The following MEGF8 variants were observed in gnomAD, a reference collection of about 807,000 sequenced individuals.
MEGF8 encodes multiple epidermal growth factor-like domains protein 8.
MEGF8 carries 156 observed loss-of-function variants against 302.9 expected under a neutral mutation model. That is an observed-to-expected ratio of 0.52 (90% CI 0.45 to 0.59). The LOEUF is 0.59. Ranked by LOEUF, MEGF8 falls within the 20% of genes least tolerant of loss-of-function variation. MEGF8 has a pLI of 0.00. For synonymous variants in MEGF8, 1,621 were observed against 1,660.5 expected (o/e 0.98, Z 0.58); for missense variants, 3,345 against 3,964.5 (o/e 0.84, Z 4.20).
chr19:42,338,255 T>G (rs2039160098), intron 8 of MEGF8, among the ~76,000 whole-genome samples: 1 of 152,116 alleles, frequency 6.6e-6, no homozygotes. Context: ...TGTTTTTTTT[T>G]TGGGGATGGA....
chr19:42,337,835 G>A (rs1430048721), intron 8 of MEGF8, among the ~76,000 whole-genome samples: 2 of 148,400 alleles, frequency 1.3e-5, no homozygotes, highest in African/African-American at 2.5e-5. Context: ...AGGGAGTCTC[G>A]CTCCGTCGCC....
At chr19:42,327,061 T>C (rs1004475454) in intron 1 of MEGF8, among the ~76,000 whole-genome samples, 7 of 152,230 alleles carry the variant, frequency 4.6e-5, no homozygotes, top group Non-Finnish European at 1.0e-4. Flanking sequence ...GAGGTTCTGT[T>C]TCCTTCCCCC....
At chr19:42,341,302 G>A (rs2039209297) in intron 8 of MEGF8, among the ~76,000 whole-genome samples, 1 of 151,936 alleles carries the variant, frequency 6.6e-6, no homozygotes, top group Non-Finnish European at 1.5e-5. Context: ...GGTGGTAGAT[G>A]CCTGTGGTCA....
Position 42,375,874 on chromosome 19 carries a change from C to T in MEGF8, c.7637C>T (p.Ala2546Val). Residue 2546 changes from alanine to valine, a missense_variant, in exon 42 of 42, where the codon GCT becomes GTT. Ala to Val is a moderately conservative substitution (Grantham distance 64, BLOSUM62 0). Transcript: ENST00000251268. The surrounding 1 kb of genome is among the most constrained non-coding windows in gnomAD (Gnocchi z 7.1). The stretch of plus-strand genomic sequence containing the variant: ...CCTGCAGATGGTGGGCCCCGGGGGG[C>T]TGGGGATCCAGGAGGAGCAGGGGCC... ...PPPADGGPRG[A>V]GDPGGAGASS... The T allele has an allele frequency of 6.2e-7, 1 of 1,606,032 alleles. No individual in the cohort carries two copies. The highest frequency in any genetic ancestry group is 8.5e-7 in the Non-Finnish European group (1 of 1,176,372).
At position 42,369,751 on chromosome 19, in the gene MEGF8, G is replaced by A. The variant is rs891099030; in HGVS notation, c.6834+28G>A. The A allele has an allele frequency of 1.3e-5, 20 of 1,566,164 alleles. No individual in the cohort carries two copies. Among genetic ancestry groups the A allele is most frequent in the Admixed American group, 9.3e-5 (5 of 53,970 alleles). ...GGGCCGCCCGGAGCCTCAGACCCCC[G>A]ACCCTGGGACCCAGGCCCTCACTTG... On this transcript the variant is annotated intron_variant, in intron 38 of 41. Coordinates refer to ENST00000251268, the MANE Select transcript of MEGF8 (RefSeq NM_001271938.2). The surrounding 1 kb of genome is among the most constrained non-coding windows in gnomAD (Gnocchi z 5.7).
At position 42,354,570 on chromosome 19, in the gene MEGF8, G is replaced by A. The variant is rs138087863; in HGVS notation, c.4012-18G>A. The A allele has an allele frequency of 1.6e-5, 25 of 1,601,504 alleles. 1 individual carries two copies. The African/African-American group carries it at 2.5e-4, about 16-fold the overall frequency. On this transcript the variant is annotated intron_variant, in intron 22 of 41. Coordinates refer to ENST00000251268, the MANE Select transcript of MEGF8 (RefSeq NM_001271938.2). This position sits in a 1 kb window ranked among gnomAD's most constrained non-coding sequence, Gnocchi z 4.3. ...TCATCCTCATTGTCTCCTAATCCTC[G>A]ATTCTGCACCCCTCTAGCTGAGCTA... is the stretch of plus-strand genomic sequence containing the variant.
intron 35 of MEGF8, among the ~76,000 whole-genome samples, chr19:42,367,290 C>CTTT (rs535905629): frequency 1.4e-5 from 2 of 140,162 alleles, no homozygotes; most frequent in Admixed American, 7.1e-5. Context: ...TTCTTTCTTT[C>CTTT]TTTTTTTTTT....
Position 42,344,506 on chromosome 19 carries a change from C to T in MEGF8, c.1854C>T (p.Phe618=). The T allele has an allele frequency of 6.3e-7, 1 of 1,599,268 alleles. No individual in the cohort carries two copies. Among genetic ancestry groups the T allele is most frequent in the Non-Finnish European group, 8.5e-7 (1 of 1,179,406 alleles). Residue 618 remains phenylalanine (F), a synonymous_variant, in exon 11 of 42, where the codon TTC becomes TTT. Transcript: ENST00000251268. This position sits in a 1 kb window ranked among gnomAD's most constrained non-coding sequence, Gnocchi z 4.5. The part of the protein sequence containing the change: ...LLGDCQACLA[F]SSPTAPPRGP... ...GTGACTGCCAGGCCTGCCTGGCCTT[C>T]AGCAGCCCCACAGCCCCTCCACGGG...
chr19:42,376,101 C>G lies in MEGF8; in HGVS notation c.7864C>G (p.Pro2622Ala), dbSNP rs1198714245. ...CCTGCTGCTGCTGGGCGTGGGAGAC[C>G]CAAGTGGGCCCGGCGCCAACGGCTC... ...FYLLLLGVGDPSGPGANGSAD... is the reference protein window; with the variant it reads ...FYLLLLGVGDASGPGANGSAD... The change falls in exon 42 of 42, where the codon CCA becomes GCA. Residue 2622 changes from proline to alanine, a missense_variant. Coordinates refer to ENST00000251268, the MANE Select transcript of MEGF8 (RefSeq NM_001271938.2). The surrounding 1 kb of genome is among the most constrained non-coding windows in gnomAD (Gnocchi z 8.2). 1.9e-6 allele frequency: 3 copies of G among 1,606,584 alleles called. No individual in the cohort carries two copies. The highest frequency in any genetic ancestry group is 2.5e-6 in the Non-Finnish European group (3 of 1,179,766).
rs2039756395 is a variant in MEGF8 at position 42,375,673 on chromosome 19, G to C, written c.7436G>C (p.Gly2479Ala). The change falls in exon 42 of 42, where the codon GGC (glycine) becomes GCC (alanine). Residue 2479 changes from glycine to alanine, a missense_variant. Gly to Ala is a moderately conservative substitution (Grantham distance 60). Coordinates refer to ENST00000251268, the MANE Select transcript of MEGF8 (RefSeq NM_001271938.2). The surrounding 1 kb of genome is among the most constrained non-coding windows in gnomAD (Gnocchi z 7.1). ...GGCCCCGGCCGCACTGTCCTCTTTG[G>C]CGTGCAGCCCAAATTCACCAACGTG... ...ALGPGRTVLF[G>A]VQPKFTNVDI... is the part of the protein sequence containing the mutation. 2 of 1,610,562 alleles carry C rather than the reference G, an allele frequency of 1.2e-6. No homozygotes were observed. The highest frequency in any genetic ancestry group is 3.4e-5 in the Admixed American group (2 of 59,628).
chr19:42,354,504 C>G lies in MEGF8; in HGVS notation c.4012-84C>G. 1 of 1,477,590 alleles carries G rather than the reference C, an allele frequency of 6.8e-7. No homozygotes were observed. The highest frequency in any genetic ancestry group is 9.2e-7 in the Non-Finnish European group (1 of 1,089,614). 91.5% of individuals were successfully genotyped at this position (1,477,590 alleles called of 1,614,324 possible). A position where few individuals can be genotyped will look rare whatever the true frequency, so the allele number is the denominator to read the frequency against. On this transcript the variant is annotated intron_variant, in intron 22 of 41. Coordinates refer to ENST00000251268, the MANE Select transcript of MEGF8 (RefSeq NM_001271938.2). The surrounding 1 kb of genome is among the most constrained non-coding windows in gnomAD (Gnocchi z 4.3). Reference sequence around the variant, plus strand: ...ATTTCCCAGTCTCAGATTGCCCTCCCCTCTTGAACCCCTCCTCCTCCCAGA... The same window carrying G: ...ATTTCCCAGTCTCAGATTGCCCTCCGCTCTTGAACCCCTCCTCCTCCCAGA...
chr19:42,365,563 C>T (rs959264692), intron 35 of MEGF8, among the ~76,000 whole-genome samples: 9 of 146,336 alleles, frequency 6.2e-5, no homozygotes, highest in East Asian at 2.0e-4. Context: ...GCCAGGAGTT[C>T]GAGACCTGCC....
At chr19:42,328,685 C>T (rs914519933) in intron 1 of MEGF8, among the ~76,000 whole-genome samples, 4 of 151,992 alleles carry the variant, frequency 2.6e-5, no homozygotes, top group Non-Finnish European at 2.9e-5. Context: ...CCTGTAATCC[C>T]AGCACTTTGG....
Position 42,348,462 on chromosome 19 carries a change from CGGA to C in MEGF8, c.2290_2292del (p.Glu764del). On this transcript the variant is annotated inframe_deletion, in exon 13 of 42. Coordinates refer to ENST00000251268, the MANE Select transcript of MEGF8 (RefSeq NM_001271938.2). ...GCCCGGATGGCCCGTGGCCCTGACA[CGGA>C]GAACATGGTGAGGCCGCCTGGGACA... is the stretch of plus-strand genomic sequence containing the variant. 2 of 1,519,556 alleles carry C rather than the reference CGGA, an allele frequency of 1.3e-6. No individual in the cohort carries two copies. Among genetic ancestry groups the C allele is most frequent in the Non-Finnish European group, 1.8e-6 (2 of 1,134,410 alleles). 94.1% of individuals were successfully genotyped at this position (1,519,556 alleles called of 1,614,324 possible).
At chr19:42,367,290 C>CTT (rs535905629) in intron 35 of MEGF8, among the ~76,000 whole-genome samples, 14 of 140,148 alleles carry the variant, frequency 1.0e-4, no homozygotes, top group Non-Finnish European at 1.4e-4. Flanking sequence ...TTCTTTCTTT[C>CTT]TTTTTTTTTT....
intron 31 of MEGF8, among the ~76,000 whole-genome samples, chr19:42,360,097 C>T (rs1412291513): frequency 1.3e-5 from 2 of 150,848 alleles, no homozygotes; most frequent in African/African-American, 2.4e-5. Flanking sequence ...ATAAAATTAA[C>T]CATCTTAAAA....
In MEGF8 at chr19:42,335,044, C is replaced by T. The variant is rs756784580; in HGVS notation, c.568C>T (p.Pro190Ser). 7.4e-6 allele frequency: 12 copies of T among 1,612,294 alleles called. No homozygotes were observed. Among genetic ancestry groups the T allele is most frequent in the African/African-American group, 1.3e-5 (1 of 74,868 alleles). ...SHGTCASPLG[P>S]CRCEPGFLGR... ...GTCTCCTTTCCCGCAGCCCCTGGGA[C>T]CATGCCGCTGTGAGCCTGGCTTCTT... is the stretch of plus-strand genomic sequence containing the variant. The change falls in exon 4 of 42, where the codon CCA becomes TCA. Residue 190 changes from proline (P) to serine (S), a missense_variant. Coordinates refer to ENST00000251268, the MANE Select transcript of MEGF8 (RefSeq NM_001271938.2).
Position 42,368,615 on chromosome 19 carries a change from A to T in MEGF8, c.6434A>T (p.Asp2145Val). 1 of 1,569,184 alleles carries T rather than the reference A, an allele frequency of 6.4e-7. No individual in the cohort carries two copies. Among genetic ancestry groups the T allele is most frequent in the Non-Finnish European group, 8.6e-7 (1 of 1,157,900 alleles). ...HCGWCAWGGQ[D>V]GGGRCMEGGL... ...GGCTGGTGTGCCTGGGGGGGCCAGG[A>T]TGGGGGTGGCCGCTGCATGGAGGGT... is the stretch of plus-strand genomic sequence containing the variant. Residue 2145 changes from aspartate to valine, a missense_variant, in exon 36 of 42, where the codon GAT becomes GTT. By Grantham distance (152) the Asp-to-Val change is radical. Transcript: ENST00000251268. This position sits in a 1 kb window ranked among gnomAD's most constrained non-coding sequence, Gnocchi z 4.9.
chr19:42,355,687 T>C, intron 23 of MEGF8, 71 bp from the exon 24 acceptor site: 3 of 1,476,786 alleles, frequency 2.0e-6, no homozygotes, highest in Non-Finnish European at 2.7e-6. Context: ...CACTGGGTTT[T>C]CTTAGCATCT....
Sources: gnomAD v4.1 joint callset for allele counts (sites outside exome capture counted in the v4.1 genomes callset) on GRCh38, gnomAD v4.1.1 for gene constraint, Gnocchi (gnomAD v3.1) non-coding constraint, MANE v1.5 for transcripts, NCBI Gene and HGNC (gene_info 2026-07-23, HGNC 2026-07-21) for gene names.